Variants in CTBP2 observed in about 807,000 individuals in gnomAD.
The protein encoded by CTBP2 is C-terminal-binding protein 2.
In CTBP2, 30 loss-of-function variants were observed where a neutral mutation model predicts 80.3. The ratio of observed to expected loss-of-function variants is 0.37; its 90% confidence interval spans 0.28 to 0.51. The LOEUF (loss-of-function observed/expected upper bound fraction) is 0.51. Among genes scored for constraint, CTBP2 ranks in the 20% least tolerant of loss-of-function variants. The pLI, the probability that CTBP2 is intolerant of heterozygous loss-of-function variation, is 0.93. For synonymous variants in CTBP2, 594 were observed against 587.4 expected (o/e 1.01, Z -0.16); for missense variants, 1,212 against 1,375.3 (o/e 0.88, Z 1.88).
intron 2 of CTBP2, among the ~76,000 whole-genome samples, chr10:125,080,176 G>C (rs1463455198): frequency 1.3e-5 from 2 of 152,078 alleles, no homozygotes; most frequent in African/African-American, 4.8e-5. Context: ...CTTCACTGAG[G>C]GGCCCATATT....
rs1387512105 is a variant in CTBP2, at chr10:124,988,051, A to G, written c.*1467T>C. 3.3e-5 allele frequency: 5 copies of G among 150,546 alleles called. No homozygotes were observed. The highest frequency in any genetic ancestry group is 2.7e-4 in the Admixed American group (4 of 15,078). The allele number at this position is 150,546 out of a possible 1,614,324, so 9.3% of individuals were successfully genotyped here. ...TGGGGTAGATTAAAGTCAGAACTCT[A>G]AAAGTTGAGCAACTTTGTTTTTTTT... On this transcript the variant is annotated 3_prime_UTR_variant, in exon 9 of 9. Transcript: ENST00000309035.
At chr10:125,151,399 T>C (rs987302317) in intron 1 of CTBP2, among the ~76,000 whole-genome samples, 1 of 152,178 alleles carries the variant, frequency 6.6e-6, no homozygotes, top group African/African-American at 2.4e-5. Flanking sequence ...GCTGAAGGTC[T>C]CAGTGGCCCT....
chr10:125,026,694 G>A lies in CTBP2; in HGVS notation c.1066C>T (p.Arg356Trp), dbSNP rs779412285. ...AGCGGGCCCCCCCGGTCCTGCCTCC[G>A]CAGCTGCATTTCGGTCCTGCAGCTA... The change falls in exon 1 of 9, where the codon CGG becomes TGG. Residue 356 changes from arginine to tryptophan, a missense_variant. By Grantham distance (101) the Arg-to-Trp change is moderately radical. Around this residue, in one of 3 missense-constraint regions of CTBP2, gnomAD observed 848 missense variants for 782.3 expected, o/e 1.08. Coordinates refer to ENST00000309035, the MANE Select transcript of CTBP2 (RefSeq NM_022802.3). The A allele has an allele frequency of 3.4e-5, 54 of 1,611,402 alleles. No homozygotes were observed. The highest frequency in any genetic ancestry group is 1.2e-4 in the Admixed American group (7 of 59,854).
chr10:125,017,315 G>A (rs1054026184), intron 1 of CTBP2, among the ~76,000 whole-genome samples: 2 of 152,176 alleles, frequency 1.3e-5, no homozygotes, highest in Non-Finnish European at 2.9e-5. Context: ...TTGGAGAGGC[G>A]ATAAAGGCAG....
At chr10:125,063,574 C>A (rs969938564) in intron 2 of CTBP2, among the ~76,000 whole-genome samples, 14 of 152,172 alleles carry the variant, frequency 9.2e-5, no homozygotes. Flanking sequence ...CCTCTGGCTC[C>A]CCTACAGTAG....
chr10:124,995,616 T>C (rs1456899245), intron 4 of CTBP2, among the ~76,000 whole-genome samples: 1 of 152,160 alleles, frequency 6.6e-6, no homozygotes, highest in African/African-American at 2.4e-5. Flanking sequence ...AGCAGCTCCA[T>C]CTAACCGATG....
At chr10:125,113,779 A>C (rs2135952862) in intron 1 of CTBP2, among the ~76,000 whole-genome samples, 1 of 152,336 alleles carries the variant, frequency 6.6e-6, no homozygotes, top group Admixed American at 6.5e-5. Context: ...AGTAGGAAAT[A>C]GACAAGTCTG....
At position 124,988,926 on chromosome 10, in the gene CTBP2, AC is replaced by A. The variant is rs1952216160; in HGVS notation, c.*591del. On this transcript the variant is annotated 3_prime_UTR_variant, in exon 9 of 9. Coordinates refer to ENST00000309035, the MANE Select transcript of CTBP2 (RefSeq NM_022802.3). ...ATCATCAGAGGGTTTTACTGAACTTACAACCGACTTGCCCGCTCAGTATGCA... is the reference window on the plus strand; with the variant it reads ...ATCATCAGAGGGTTTTACTGAACTTAAACCGACTTGCCCGCTCAGTATGCA... 1 of 149,184 alleles carries A rather than the reference AC, an allele frequency of 6.7e-6. No homozygotes were observed. The highest frequency in any genetic ancestry group is 1.5e-5 in the Non-Finnish European group (1 of 67,906). 9.2% of individuals were successfully genotyped at this position (149,184 alleles called of 1,614,324 possible).
rs17152448 is a variant in CTBP2 at position 124,987,076 on chromosome 10, C to G, written c.*2442G>C. The G allele has an allele frequency of 0.14, 21,517 of 152,540 alleles. 1,527 individuals are homozygous for G. Among genetic ancestry groups the G allele is most frequent in the East Asian group, 0.21 (1,091 of 5,178 alleles). 9.4% of individuals were successfully genotyped at this position (152,540 alleles called of 1,614,324 possible). ...ATGGTTCCATTTCCTAGGCTACAGA[C>G]AGGAATGGGGCTCTAAATGGTTTTC... On this transcript the variant is annotated 3_prime_UTR_variant, in exon 9 of 9. Coordinates refer to ENST00000309035, the MANE Select transcript of CTBP2 (RefSeq NM_022802.3).
In CTBP2 at chr10:125,049,924, C is replaced by T. The variant is rs906604109; in HGVS notation, c.-101-10769G>A. Among the ~76,000 whole-genome samples, 34 of 152,286 alleles carry T rather than the reference C, an allele frequency of 2.2e-4. 1 individual carries two copies. The Middle Eastern group carries it at 0.017, about 76-fold the overall frequency. On this transcript the variant is annotated intron_variant, in intron 2 of 10. Coordinates refer to the CTBP2 transcript ENST00000337195. ...GACGTGACCAGGCCAGTGTAGCCAC[C>T]GCCCCAGTGCACAGCTCAGCTCCCC...
upstream of CTBP2, chr10:125,160,648 T>A: frequency 2.1e-5 from 1 of 47,008 alleles, no homozygotes; most frequent in Non-Finnish European, 3.9e-5. Context: ...ACCCCTCCCT[T>A]CCCTTCCACC....
chr10:125,047,698 T>A (rs1961617614), intron 2 of CTBP2, among the ~76,000 whole-genome samples: 1 of 152,234 alleles, frequency 6.6e-6, no homozygotes, highest in South Asian at 2.1e-4. Context: ...GTAACCATAT[T>A]ATAGAACACT....
At chr10:125,035,129 G>C (rs888905060) in intron 3 of CTBP2, among the ~76,000 whole-genome samples, 1 of 152,244 alleles carries the variant, frequency 6.6e-6, no homozygotes, top group East Asian at 1.9e-4. Context: ...CCTCATCCCC[G>C]GCAGCATCTT....
chr10:125,136,222 A>G (rs1856956823), intron 1 of CTBP2, among the ~76,000 whole-genome samples: 1 of 152,122 alleles, frequency 6.6e-6, no homozygotes, highest in South Asian at 2.1e-4. Flanking sequence ...GGGGAGGGTG[A>G]GCTGGGAGGG....
At chr10:125,067,156 T>C (rs527414130) in intron 2 of CTBP2, among the ~76,000 whole-genome samples, 1 of 152,290 alleles carries the variant, frequency 6.6e-6, no homozygotes, top group African/African-American at 2.4e-5. Flanking sequence ...GTGAAACCCA[T>C]AACCCAGCCC....
At chr10:125,090,285 C>CAAAAAAAAAAAAAAAAAAAAAAAAAAAA (rs56714830) in intron 2 of CTBP2, among the ~76,000 whole-genome samples, 8 of 65,428 alleles carry the variant, frequency 1.2e-4, no homozygotes, top group African/African-American at 5.5e-4. Flanking sequence ...GTCCCTGGCT[C>CAAAAAAAAAAAAAAAAAAAAAAAAAAAA]AAAAAAAAAA....
intron 2 of CTBP2, among the ~76,000 whole-genome samples, chr10:125,065,046 C>T (rs1489455952): frequency 6.6e-6 from 1 of 152,194 alleles, no homozygotes; most frequent in Non-Finnish European, 1.5e-5. Context: ...AGGAAATGCC[C>T]AGCAAAGAAA....
chr10:125,161,096 T>C (rs1425586244), upstream of CTBP2: 1 of 151,012 alleles, frequency 6.6e-6, no homozygotes, highest in Admixed American at 6.6e-5. Context: ...CGGGGTCTCT[T>C]TTTGCAAACC....
At chr10:125,161,936 C>A (rs1861925047), upstream of CTBP2, among the ~76,000 whole-genome samples, 1 of 152,140 alleles carries the variant, frequency 6.6e-6, no homozygotes, top group Non-Finnish European at 1.5e-5. Context: ...GGCCCAGCGG[C>A]CGCTCGCGGC....
Sources: gnomAD v4.1 joint callset for allele counts (sites outside exome capture counted in the v4.1 genomes callset) on GRCh38, gnomAD v4.1.1 for gene constraint, gnomAD v4.1.1 regional missense constraint, MANE v1.5 for transcripts, NCBI Gene and HGNC (gene_info 2026-07-23, HGNC 2026-07-21) for gene names.